Variants in DPF3 observed in about 807,000 individuals in gnomAD.
DPF3 encodes double PHD fingers 3.
A neutral mutation model predicts 56.8 loss-of-function variants in DPF3; 18 were observed. That is an observed-to-expected ratio of 0.32 (90% CI 0.22 to 0.47). The LOEUF is 0.47. Among genes scored for constraint, DPF3 ranks in the 20% least tolerant of loss-of-function variants. The probability of loss-of-function intolerance (pLI) is 1.00; values close to 1 mark genes in which losing one functional copy is unlikely to be tolerated. For missense variants in DPF3, 403 were observed against 488.8 expected (o/e 0.82, Z 1.65); for synonymous variants, 188 against 180.2 (o/e 1.04, Z -0.35).
chr14:72,686,000 C>G (rs771571700), intron 7 of DPF3, among the ~76,000 whole-genome samples: 4 of 152,206 alleles, frequency 2.6e-5, no homozygotes, highest in Non-Finnish European at 5.9e-5. Flanking sequence ...CAGAAGTTCT[C>G]CCAGGGCTGA....
intron 8 of DPF3, among the ~76,000 whole-genome samples, chr14:72,645,062 G>A (rs1478096718): frequency 6.6e-6 from 1 of 152,186 alleles, no homozygotes; most frequent in Non-Finnish European, 1.5e-5. Context: ...CCATCCCTGA[G>A]CTAGGCACTA....
intron 1 of DPF3, among the ~76,000 whole-genome samples, chr14:72,866,231 T>A (rs533998301): frequency 1.3e-5 from 2 of 151,440 alleles, no homozygotes; most frequent in African/African-American, 4.8e-5. Flanking sequence ...TTCCACAGAC[T>A]GAGGTCACCT....
chr14:72,826,306 T>C (rs1050697119), intron 1 of DPF3, among the ~76,000 whole-genome samples: 2 of 152,160 alleles, frequency 1.3e-5, no homozygotes, highest in Non-Finnish European at 1.5e-5. Context: ...CCGTAAACAA[T>C]AGGACCAGCC....
intron 1 of DPF3, among the ~76,000 whole-genome samples, chr14:72,855,905 C>T (rs1449732197): frequency 1.3e-5 from 2 of 152,218 alleles, no homozygotes; most frequent in Admixed American, 1.3e-4. Flanking sequence ...ATCACAATCC[C>T]TGTACTCAGA....
intron 8 of DPF3, among the ~76,000 whole-genome samples, chr14:72,668,785 T>C (rs1228491360): frequency 6.6e-6 from 1 of 151,384 alleles, no homozygotes; most frequent in Non-Finnish European, 1.5e-5. Flanking sequence ...GTTGAACATA[T>C]GTTTATTAAC....
intron 3 of DPF3, among the ~76,000 whole-genome samples, chr14:72,742,925 C>G (rs1203404268): frequency 2.0e-5 from 3 of 152,082 alleles, no homozygotes; most frequent in African/African-American, 4.8e-5. Flanking sequence ...TGGACCACCC[C>G]TTTGGGAGAT....
intron 8 of DPF3, chr14:72,670,766 C>T: frequency 9.8e-7 from 1 of 1,021,302 alleles, no homozygotes; most frequent in Non-Finnish European, 1.2e-6. Flanking sequence ...TTCCTTTTGC[C>T]AATAAATATG....
chr14:72,761,827 G>A, intron 2 of DPF3, among the ~76,000 whole-genome samples: 1 of 151,664 alleles, frequency 6.6e-6, no homozygotes, highest in South Asian at 2.1e-4. Context: ...AGAATGATGA[G>A]GTAAAAAATA....
At chr14:72,804,414 C>T (rs1893008984) in intron 1 of DPF3, among the ~76,000 whole-genome samples, 1 of 152,152 alleles carries the variant, frequency 6.6e-6, no homozygotes, top group African/African-American at 2.4e-5. Flanking sequence ...TACCACCCCA[C>T]CAGGAGCAAA....
intron 8 of DPF3, among the ~76,000 whole-genome samples, chr14:72,641,364 G>T (rs149392478): frequency 6.6e-6 from 1 of 152,344 alleles, no homozygotes; most frequent in African/African-American, 2.4e-5. Context: ...TTCACTCATA[G>T]CAGGAATCAT....
intron 1 of DPF3, among the ~76,000 whole-genome samples, chr14:72,868,558 A>G (rs1288546940): frequency 6.6e-6 from 1 of 152,178 alleles, no homozygotes; most frequent in Non-Finnish European, 1.5e-5. Context: ...CCTTTCCATC[A>G]GTCACACAGG....
chr14:72,726,526 G>A (rs1232401817), intron 4 of DPF3, among the ~76,000 whole-genome samples: 1 of 152,194 alleles, frequency 6.6e-6, no homozygotes, highest in African/African-American at 2.4e-5. Context: ...CCTCAGATGT[G>A]ATGGCGGCAG....
intron 1 of DPF3, among the ~76,000 whole-genome samples, chr14:72,838,908 CTTTTTTTTTTTTTTTTT>C (rs376458640): frequency 3.8e-5 from 3 of 78,618 alleles, no homozygotes; most frequent in Non-Finnish European, 2.1e-5. Context: ...CATATATATT[CTTTTTTTTTTTTTTTTT>C]TTTTTTTTTT....
chr14:72,774,262 TAAAAAAAAAA>T (rs777564213), intron 1 of DPF3, among the ~76,000 whole-genome samples: 4 of 61,008 alleles, frequency 6.6e-5, no homozygotes, highest in Admixed American at 4.7e-4. Context: ...AGACTCTGTC[TAAAAAAAAAA>T]AAAAAAAAAA....
At chr14:72,854,682 T>C (rs1457713129) in intron 1 of DPF3, among the ~76,000 whole-genome samples, 1 of 152,164 alleles carries the variant, frequency 6.6e-6, no homozygotes, top group Non-Finnish European at 1.5e-5. Context: ...GGAGTGAAAA[T>C]ATACATCCTG....
chr14:72,641,163 A>C (rs1013918787), intron 8 of DPF3, among the ~76,000 whole-genome samples: 2 of 152,218 alleles, frequency 1.3e-5, no homozygotes, highest in Admixed American at 1.3e-4. Context: ...GATGAGAACT[A>C]ACACAGTCAC....
chr14:72,725,373 A>T (rs190691914), intron 4 of DPF3, among the ~76,000 whole-genome samples: 1 of 152,030 alleles, frequency 6.6e-6, no homozygotes, highest in Non-Finnish European at 1.5e-5. Context: ...TGAGAACATG[A>T]GCTGAGAAGT....
intron 2 of DPF3, among the ~76,000 whole-genome samples, chr14:72,753,951 G>T (rs1016820534): frequency 1.3e-5 from 2 of 151,694 alleles, no homozygotes; most frequent in African/African-American, 4.9e-5. Flanking sequence ...TGGTGACCAG[G>T]CCACATGACC....
At chr14:72,630,414 G>A (rs143107222) in intron 8 of DPF3, among the ~76,000 whole-genome samples, 72 of 152,232 alleles carry the variant, frequency 4.7e-4, no homozygotes, top group Non-Finnish European at 7.6e-4. Flanking sequence ...ACTGGTTCCC[G>A]GTTCTAACTC....
Sources: allele counts gnomAD v4.1 joint callset (sites outside exome capture counted in the v4.1 genomes callset), GRCh38; gene constraint gnomAD v4.1.1; transcripts MANE v1.5; gene names NCBI Gene and HGNC (gene_info 2026-07-23, HGNC 2026-07-21).